Variants in ITFG1 observed in about 807,000 individuals in gnomAD.
ITFG1 encodes the protein T-cell immunomodulatory protein.
ITFG1 carries 34 observed loss-of-function variants against 81.8 expected under a neutral mutation model. The observed-to-expected ratio is 0.42, with a 90% CI of 0.32 to 0.55. The LOEUF (loss-of-function observed/expected upper bound fraction) is 0.55. Among genes scored for constraint, ITFG1 ranks in the 20% least tolerant of loss-of-function variants. The pLI is 0.17. For missense variants in ITFG1, 672 were observed against 755.4 expected, an observed-to-expected ratio of 0.89 and a Z score of 1.29; for synonymous variants, 285 against 270.6, an observed-to-expected ratio of 1.05 and a Z score of -0.52.
chr16:47,176,858 A>ATTTTT, intron 14 of ITFG1, among the ~76,000 whole-genome samples: 2 of 152,304 alleles, frequency 1.3e-5, no homozygotes, highest in Admixed American at 1.3e-4. Context: ...TTGATAAGTG[A>ATTTTT]TAAAATTAAC....
intron 2 of ITFG1, among the ~76,000 whole-genome samples, chr16:47,454,371 A>G (rs1484759837): frequency 6.6e-6 from 1 of 152,216 alleles, no homozygotes; most frequent in Non-Finnish European, 1.5e-5. Context: ...GTCTCAAGAA[A>G]CAAGACAAAT....
chr16:47,188,579 G>C (rs1259645915), intron 14 of ITFG1, among the ~76,000 whole-genome samples: 1 of 136,534 alleles, frequency 7.3e-6, no homozygotes, highest in Non-Finnish European at 1.5e-5. Flanking sequence ...CACATGGACA[G>C]AGGAAGGGAA....
intron 10 of ITFG1, among the ~76,000 whole-genome samples, chr16:47,306,021 G>A (rs532742211): frequency 6.6e-5 from 10 of 152,232 alleles, no homozygotes; most frequent in Non-Finnish European, 8.8e-5. Context: ...ACCACTGAAC[G>A]AGAAGTAATC....
intron 6 of ITFG1, among the ~76,000 whole-genome samples, chr16:47,412,096 T>G (rs990725357): frequency 6.6e-6 from 1 of 151,588 alleles, no homozygotes; most frequent in Admixed American, 6.6e-5. Context: ...ATACAGAACA[T>G]AAAAACAAAA....
At chr16:47,281,018 T>C (rs971622069) in intron 10 of ITFG1, among the ~76,000 whole-genome samples, 1 of 152,152 alleles carries the variant, frequency 6.6e-6, no homozygotes, top group Admixed American at 6.5e-5. Flanking sequence ...ATAGAATGTA[T>C]AGCATTTTCC....
At chr16:47,240,671 T>C (rs1037071199) in intron 12 of ITFG1, among the ~76,000 whole-genome samples, 2 of 152,184 alleles carry the variant, frequency 1.3e-5, no homozygotes, top group African/African-American at 4.8e-5. Flanking sequence ...GACAGATGAA[T>C]GAATAAAATA....
chr16:47,192,936 C>T (rs187393546), intron 14 of ITFG1, among the ~76,000 whole-genome samples: 1 of 152,180 alleles, frequency 6.6e-6, no homozygotes, highest in East Asian at 1.9e-4. Context: ...AGTCAATCGC[C>T]CTTGAAGTGT....
Position 47,313,787 on chromosome 16 carries a change from C to A in ITFG1, c.839G>T (p.Cys280Phe). ...ACTCTTTTGGCAATTTTTATCTTCACAGCCTGGCAGTAAATGATCCATGTG... is the reference window on the plus strand; with the variant it reads ...ACTCTTTTGGCAATTTTTATCTTCAAAGCCTGGCAGTAAATGATCCATGTG... ...DGHMDHLLPG[C>F]EDKNCQKSTI... The change falls in exon 9 of 18, where the codon TGT becomes TTT. Residue 280 changes from cysteine (C) to phenylalanine (F), a missense_variant. Cys to Phe is a radical substitution (Grantham distance 205). Transcript: ENST00000320640. 1.2e-6 allele frequency: 2 copies of A among 1,608,598 alleles called. No homozygotes were observed. Among genetic ancestry groups the A allele is most frequent in the Non-Finnish European group, 1.7e-6 (2 of 1,176,916 alleles).
intron 6 of ITFG1, among the ~76,000 whole-genome samples, chr16:47,414,649 G>T (rs1968852644): frequency 1.3e-5 from 2 of 152,196 alleles, no homozygotes; most frequent in South Asian, 4.2e-4. Context: ...TCTGAATTAA[G>T]AAAGAATCAC....
At chr16:47,450,420 TC>T (rs1567504597) in intron 5 of ITFG1, 8 of 413,194 alleles carry the variant, frequency 1.9e-5, no homozygotes, top group South Asian at 1.2e-4. Context: ...GCTTCCGAGA[TC>T]AGAAGAGATG....
intron 10 of ITFG1, among the ~76,000 whole-genome samples, chr16:47,285,746 A>G (rs1317674366): frequency 6.6e-6 from 1 of 152,180 alleles, no homozygotes; most frequent in African/African-American, 2.4e-5. Flanking sequence ...ATAGGCAGAG[A>G]GAGTTTTTCC....
At chr16:47,249,801 A>G (rs1314391521) in intron 12 of ITFG1, among the ~76,000 whole-genome samples, 1 of 152,220 alleles carries the variant, frequency 6.6e-6, no homozygotes, top group Non-Finnish European at 1.5e-5. Context: ...TTTGGCTTCT[A>G]GCATTGTGAT....
At chr16:47,375,687 T>C (rs1968315154) in intron 7 of ITFG1, among the ~76,000 whole-genome samples, 189 bp downstream of exon 7, 1 of 152,260 alleles carries the variant, frequency 6.6e-6, no homozygotes, top group Non-Finnish European at 1.5e-5. Context: ...GCAGAGTAAC[T>C]GATGCTGAAT....
chr16:47,353,904 A>G lies in ITFG1; in HGVS notation c.802+11884T>C, dbSNP rs180983890. Among the ~76,000 whole-genome samples, 5 of 152,326 alleles carry G rather than the reference A, an allele frequency of 3.3e-5. No individual in the cohort carries two copies. The East Asian group carries it at 9.6e-4, about 29-fold the overall frequency. ...TGAATCAGATACAAATAATGAAAAG[A>G]TACCCTGTGTTCATGAATCGCAAGA... On this transcript the variant is annotated intron_variant, in intron 8 of 17. Transcript: ENST00000320640.
chr16:47,171,029 CTTTT>C (rs61494352), intron 14 of ITFG1, among the ~76,000 whole-genome samples: 10 of 97,726 alleles, frequency 1.0e-4, no homozygotes, highest in Admixed American at 1.1e-4. Flanking sequence ...GCCACTGTGC[CTTTT>C]TTTTTTTTTT....
At chr16:47,258,550 C>A in intron 12 of ITFG1, 82 bp downstream of exon 12, 1 of 695,644 alleles carries the variant, frequency 1.4e-6, no homozygotes, top group Non-Finnish European at 2.5e-6. Context: ...GGTTGTACAT[C>A]GGAGCATGTC....
chr16:47,459,245 A>C (rs562668553), intron 1 of ITFG1, 70 bp from the exon 2 acceptor site: 13 of 1,037,882 alleles, frequency 1.3e-5, no homozygotes, highest in Middle Eastern at 4.1e-4. Context: ...GGTTACAAGA[A>C]GGTTTCTGGG....
At chr16:47,256,642 G>C (rs1966142818) in intron 12 of ITFG1, among the ~76,000 whole-genome samples, 1 of 152,160 alleles carries the variant, frequency 6.6e-6, no homozygotes, top group South Asian at 2.1e-4. Flanking sequence ...TAAAAGTATA[G>C]AAATGATTAG....
rs1438545217 is a variant in ITFG1 at position 47,460,900 on chromosome 16, G to A, written c.146C>T (p.Thr49Ile). 3.5e-5 allele frequency: 56 copies of A among 1,613,450 alleles called. No individual in the cohort carries two copies. Among genetic ancestry groups the A allele is most frequent in the Non-Finnish European group, 4.5e-5 (53 of 1,179,994 alleles). The change falls in exon 1 of 18, where the codon ACC becomes ATC. Residue 49 changes from threonine (T) to isoleucine (I), a missense_variant. Transcript: ENST00000320640. Reference sequence around the variant, plus strand: ...GTTGAGGTCCCCGAAAGCCGCAAGGGTGCCCCAGGCCTCGGCCCCAAAGAG... The same window carrying A: ...GTTGAGGTCCCCGAAAGCCGCAAGGATGCCCCAGGCCTCGGCCCCAAAGAG... Reference protein sequence around the residue: ...AELFGAEAWGTLAAFGDLNSD... With the variant: ...AELFGAEAWGILAAFGDLNSD...
Sources: allele counts gnomAD v4.1 joint callset (sites outside exome capture counted in the v4.1 genomes callset), GRCh38; gene constraint gnomAD v4.1.1; transcripts MANE v1.5; gene names NCBI Gene and HGNC (gene_info 2026-07-23, HGNC 2026-07-21).